EDA: variants seen among roughly 807,000 people sequenced by gnomAD.
The protein encoded by EDA is ectodysplasin A.
A neutral mutation model predicts 23.6 loss-of-function variants in EDA; 2 were observed. The observed-to-expected ratio is 0.08, with a 90% CI of 0.03 to 0.27. The LOEUF is 0.27. Among genes scored for constraint, EDA ranks in the 10% least tolerant of loss-of-function variants. The pLI is 1.00. For synonymous variants in EDA, 131 were observed against 132.0 expected (o/e 0.99, Z 0.05); for missense variants, 229 against 324.2 (o/e 0.71, Z 2.26).
intron 1 of EDA, among the ~76,000 whole-genome samples, chrX:69,649,137 T>C (rs952974546): frequency 8.9e-6 from 1 of 112,261 alleles, no homozygotes; most frequent in African/African-American, 3.2e-5. Flanking sequence ...GGTGCTGAAT[T>C]CACTCACCCC....
intron 3 of EDA, among the ~76,000 whole-genome samples, chrX:70,023,478 CTTTTTTTTTTTTTTT>C (rs754981946): frequency 9.0e-5 from 3 of 33,500 alleles, no homozygotes; most frequent in Non-Finnish European, 1.4e-4. Flanking sequence ...TCTTTTTATT[CTTTTTTTTTTTTTTT>C]TTTTTTTTTT....
At chrX:69,707,569 G>T (rs1483512574) in intron 1 of EDA, among the ~76,000 whole-genome samples, 1 of 111,924 alleles carries the variant, frequency 8.9e-6, no homozygotes, top group Non-Finnish European at 1.9e-5. Flanking sequence ...CTTGGTCCTC[G>T]TAGATGTTGT....
intron 1 of EDA, among the ~76,000 whole-genome samples, chrX:69,667,107 CTTTTTCTTTTTCTTTTT>C (rs1396040269): frequency 1.7e-5 from 1 of 60,571 alleles, no homozygotes; most frequent in African/African-American, 9.0e-5. Flanking sequence ...CTTTTAATTT[CTTTTTCTTTTTCTTTTT>C]TTTTTTTTTT....
chrX:69,797,728 A>G (rs1369592346), intron 1 of EDA, among the ~76,000 whole-genome samples: 1 of 111,912 alleles, frequency 8.9e-6, no homozygotes, highest in Non-Finnish European at 1.9e-5. Flanking sequence ...CCAAACCATA[A>G]TGAAAAACAA....
intron 1 of EDA, among the ~76,000 whole-genome samples, chrX:69,797,109 C>G (rs2015562604): frequency 1.8e-5 from 2 of 110,593 alleles, no homozygotes; most frequent in Admixed American, 1.9e-4. Context: ...TGAACAAATA[C>G]TTGAGTTATC....
intron 1 of EDA, among the ~76,000 whole-genome samples, chrX:69,682,235 A>T (rs1218849045): frequency 8.9e-6 from 1 of 112,171 alleles, no homozygotes; most frequent in Non-Finnish European, 1.9e-5. Context: ...GCTGTCAGAC[A>T]GGGGCATTTA....
At chrX:69,919,618 C>T (rs1312791054) in intron 1 of EDA, among the ~76,000 whole-genome samples, 4 of 111,655 alleles carry the variant, frequency 3.6e-5, no homozygotes, top group Non-Finnish European at 5.7e-5. Context: ...CCAATAGTGG[C>T]CATACAAGAG....
chrX:69,832,594 A>G (rs1057045173), intron 1 of EDA, among the ~76,000 whole-genome samples: 4 of 111,736 alleles, frequency 3.6e-5, no homozygotes, highest in Admixed American at 9.5e-5. Context: ...TGGTAGCTCA[A>G]TGGGGATGGC....
chrX:70,000,775 A>G (rs1427548589), intron 2 of EDA, among the ~76,000 whole-genome samples: 3 of 112,261 alleles, frequency 2.7e-5, no homozygotes, highest in Non-Finnish European at 5.6e-5. Flanking sequence ...ATGAGAATGT[A>G]CTCAGAGAGA....
chrX:69,738,058 T>A (rs1295420062), intron 1 of EDA, among the ~76,000 whole-genome samples: 1 of 111,785 alleles, frequency 8.9e-6, no homozygotes, highest in African/African-American at 3.2e-5. Flanking sequence ...TCACTGTGTT[T>A]GTCTTGTTTG....
chrX:69,953,442 T>A, intron 1 of EDA, among the ~76,000 whole-genome samples: 1 of 112,086 alleles, frequency 8.9e-6, no homozygotes. Flanking sequence ...CTTTATGTTG[T>A]TGGTGGGCAT....
In EDA at chrX:69,999,632, A is replaced by AG. The variant is rs1232823665; in HGVS notation, c.503-23586_503-23585insG. Among the ~76,000 whole-genome samples, 5 of 109,278 alleles carry AG rather than the reference A, an allele frequency of 4.6e-5. No homozygotes were observed. The Admixed American group carries it at 4.9e-4, about 11-fold the overall frequency. 94.9% of individuals were successfully genotyped at this position (109,278 alleles called of 115,157 possible). A position where few individuals can be genotyped will look rare whatever the true frequency, so the allele number is the denominator to read the frequency against. On this transcript the variant is annotated intron_variant, in intron 2 of 7. Coordinates refer to ENST00000374552, the MANE Select transcript of EDA (RefSeq NM_001399.5). ...ACTCTGTCTCAGAGAAAAAAAAAAA[A>AG]AAAGGAAAAAAAGAAAAAGAGAAAA...
chrX:70,028,175 T>C lies in EDA; in HGVS notation c.706+139T>C. ...AAGGGATGCAGATCTCCTAGCCCAG[T>C]GTAAAACTAGGAATTGGACAAGCCA... is the stretch of plus-strand genomic sequence containing the variant. On this transcript the variant is annotated intron_variant, in intron 4 of 7. Coordinates refer to ENST00000374552, the MANE Select transcript of EDA (RefSeq NM_001399.5). 3.8e-6 allele frequency: 4 copies of C among 1,048,168 alleles called. No individual in the cohort carries two copies. In the South Asian group the frequency reaches 9.5e-5, roughly 25 times the overall value. 86.4% of individuals were successfully genotyped at this position (1,048,168 alleles called of 1,213,427 possible). A position where few individuals can be genotyped will look rare whatever the true frequency, so the allele number is the denominator to read the frequency against.
At chrX:69,696,643 G>C (rs2011357175) in intron 1 of EDA, among the ~76,000 whole-genome samples, 1 of 111,433 alleles carries the variant, frequency 9.0e-6, no homozygotes, top group Middle Eastern at 4.7e-3. Context: ...ATATTGATTA[G>C]GATTTTCAAC....
intron 1 of EDA, among the ~76,000 whole-genome samples, chrX:69,730,168 A>G (rs914680112): frequency 1.8e-5 from 2 of 110,894 alleles, no homozygotes; most frequent in African/African-American, 6.6e-5. Context: ...CAGCCTATTT[A>G]TTTGTTTATT....
intron 1 of EDA, among the ~76,000 whole-genome samples, chrX:69,714,025 T>G (rs1322058246): frequency 1.8e-5 from 2 of 110,989 alleles, no homozygotes; most frequent in African/African-American, 6.5e-5. Flanking sequence ...GGCAGTACTA[T>G]TTTACATTCC....
chrX:69,827,678 C>T (rs944171308), intron 1 of EDA, among the ~76,000 whole-genome samples: 5 of 112,039 alleles, frequency 4.5e-5, no homozygotes, highest in Admixed American at 2.8e-4. Context: ...ATTTGATCGT[C>T]TGAAGCCTTC....
chrX:69,812,597 T>C (rs1210488227), intron 1 of EDA, among the ~76,000 whole-genome samples: 1 of 112,150 alleles, frequency 8.9e-6, no homozygotes, highest in East Asian at 2.8e-4. Context: ...GCTCACAGTC[T>C]GGTGGGGGAC....
chrX:69,924,966 G>A (rs1343085806), intron 1 of EDA, among the ~76,000 whole-genome samples: 4 of 111,535 alleles, frequency 3.6e-5, no homozygotes, highest in Non-Finnish European at 7.5e-5. Context: ...TATTTTTGGT[G>A]TAAGGGAATG....
Sources: allele counts gnomAD v4.1 joint callset (sites outside exome capture counted in the v4.1 genomes callset), GRCh38; gene constraint gnomAD v4.1.1; transcripts MANE v1.5; gene names NCBI Gene and HGNC (gene_info 2026-07-23, HGNC 2026-07-21).